Variants in CLMN observed in about 807,000 individuals in gnomAD.
CLMN encodes the protein calmin (calponin-like, transmembrane).
A neutral mutation model predicts 92.7 loss-of-function variants in CLMN; 57 were observed. The ratio of observed to expected loss-of-function variants is 0.61; its 90% CI spans 0.50 to 0.77. The LOEUF (loss-of-function observed/expected upper bound fraction) is 0.77. Ranked by LOEUF, CLMN falls within the 30% of genes least tolerant of loss-of-function variation. CLMN has a pLI of 0.00. For missense variants in CLMN, 1,158 were observed against 1,237.5 expected, an observed-to-expected ratio of 0.94 and a Z score of 0.96; for synonymous variants, 466 against 470.6, an observed-to-expected ratio of 0.99 and a Z score of 0.13.
intron 1 of CLMN, among the ~76,000 whole-genome samples, chr14:95,295,341 C>T (rs1184716878): frequency 6.6e-6 from 1 of 152,232 alleles, no homozygotes; most frequent in Non-Finnish European, 1.5e-5. Context: ...CTTCACTCAA[C>T]AAGCACTGTG....
chr14:95,212,942 C>T (rs187048786), intron 6 of CLMN, among the ~76,000 whole-genome samples: 1 of 151,980 alleles, frequency 6.6e-6, no homozygotes, highest in Non-Finnish European at 1.5e-5. Context: ...CCCGCCACCA[C>T]GCCCGGCTAA....
At chr14:95,242,572 TTC>T (rs1418287946) in intron 1 of CLMN, among the ~76,000 whole-genome samples, 2 of 145,222 alleles carry the variant, frequency 1.4e-5, no homozygotes, top group East Asian at 2.0e-4. Context: ...GCATCTCTTT[TTC>T]TTTTTTTTTG....
intron 1 of CLMN, among the ~76,000 whole-genome samples, chr14:95,313,190 G>C (rs1475509841): frequency 1.3e-5 from 2 of 152,164 alleles, no homozygotes; most frequent in African/African-American, 4.8e-5. Flanking sequence ...TTGGTGACAA[G>C]AATGAAACTC....
chr14:95,258,801 G>T (rs1414107904), intron 1 of CLMN, among the ~76,000 whole-genome samples: 1 of 149,376 alleles, frequency 6.7e-6, no homozygotes, highest in East Asian at 2.0e-4. Flanking sequence ...TATGTGTGGT[G>T]TGGTTGTATG....
chr14:95,243,227 AT>A (rs1446410028), intron 1 of CLMN, among the ~76,000 whole-genome samples: 2 of 152,158 alleles, frequency 1.3e-5, no homozygotes, highest in Admixed American at 6.5e-5. Flanking sequence ...AACTTTTAAG[AT>A]TTTAAGATCC....
At chr14:95,284,639 C>T (rs1216355069) in intron 1 of CLMN, among the ~76,000 whole-genome samples, 1 of 152,152 alleles carries the variant, frequency 6.6e-6, no homozygotes, top group African/African-American at 2.4e-5. Context: ...TGGTGCCCCC[C>T]ACCCCCAAAT....
At chr14:95,310,585 C>T (rs191324203) in intron 1 of CLMN, among the ~76,000 whole-genome samples, 90 of 152,330 alleles carry the variant, frequency 5.9e-4, no homozygotes, top group African/African-American at 1.8e-3. Flanking sequence ...TACAACGCTT[C>T]TAAAGACCTG....
At chr14:95,316,941 A>ACT (rs1013438240) in intron 1 of CLMN, among the ~76,000 whole-genome samples, 16 of 152,160 alleles carry the variant, frequency 1.1e-4, no homozygotes, top group Non-Finnish European at 2.4e-4. Flanking sequence ...GTAAGATCCC[A>ACT]CTGTAGCCCT....
At position 95,289,506 on chromosome 14, in the gene CLMN, T is replaced by TAAATAAATAAAC. The variant is rs1555394622; in HGVS notation, c.82+30204_82+30205insGTTTATTTATTT. Among the ~76,000 whole-genome samples the TAAATAAATAAAC allele has an allele frequency of 5.0e-4, 33 of 65,904 alleles. No homozygotes were observed. In the South Asian group the frequency reaches 7.1e-3, roughly 14 times the overall value. The allele number at this position is 65,904 out of a possible 152,430, so 43.2% of individuals were successfully genotyped here. ...ATAAATAAATAAATAAATAAATAAA[T>TAAATAAATAAAC]AAACAAACAAACAAACAAAAAAACC... On this transcript the variant is annotated intron_variant, in intron 1 of 12. Transcript: ENST00000298912.
chr14:95,239,817 T>C (rs1057053509), intron 1 of CLMN, among the ~76,000 whole-genome samples: 5 of 152,338 alleles, frequency 3.3e-5, no homozygotes, highest in Middle Eastern at 3.4e-3. Flanking sequence ...TCTTACAGAA[T>C]CCTGCTTTGG....
chr14:95,250,858 C>T (rs1391080270), intron 1 of CLMN, among the ~76,000 whole-genome samples: 4 of 152,182 alleles, frequency 2.6e-5, no homozygotes, highest in Non-Finnish European at 4.4e-5. Context: ...CATAGGGGGA[C>T]TGGCCCAAAG....
chr14:95,231,154 C>T (rs1324401849), intron 1 of CLMN, among the ~76,000 whole-genome samples: 7 of 151,904 alleles, frequency 4.6e-5, no homozygotes, highest in South Asian at 2.1e-4. Flanking sequence ...GCCTGAGCTC[C>T]GCCTCCTGTC....
chr14:95,229,943 A>T, intron 2 of CLMN, 129 bp downstream of exon 2: 1 of 844,236 alleles, frequency 1.2e-6, no homozygotes, highest in Non-Finnish European at 1.9e-6. Context: ...AGGGGGAGGC[A>T]CTTATAAATG....
At chr14:95,264,929 C>A (rs1382327158) in intron 1 of CLMN, among the ~76,000 whole-genome samples, 1 of 138,436 alleles carries the variant, frequency 7.2e-6, no homozygotes, top group African/African-American at 2.8e-5. Flanking sequence ...TGATAACTCT[C>A]CATCTCTACC....
intron 12 of CLMN, among the ~76,000 whole-genome samples, chr14:95,193,630 G>A (rs1186301604): frequency 1.3e-5 from 2 of 152,072 alleles, no homozygotes; most frequent in African/African-American, 2.4e-5. Context: ...TTTCGGAACC[G>A]GGCCCTAACC....
chr14:95,257,100 G>A (rs1309669266), intron 1 of CLMN, among the ~76,000 whole-genome samples: 4 of 152,256 alleles, frequency 2.6e-5, no homozygotes, highest in East Asian at 1.9e-4. Context: ...TATTTAATAC[G>A]ACGAGGCCCA....
intron 4 of CLMN, 56 bp downstream of exon 4, chr14:95,221,635 C>T (rs769898203): frequency 1.3e-5 from 19 of 1,483,240 alleles, no homozygotes; most frequent in Non-Finnish European, 1.6e-5. Context: ...CTTCAAATGA[C>T]GTCCTTTTCC....
intron 4 of CLMN, 71 bp downstream of exon 4, chr14:95,221,620 C>A: frequency 7.2e-7 from 1 of 1,383,330 alleles, no homozygotes; most frequent in Non-Finnish European, 1.0e-6. Flanking sequence ...GCGACCAGCA[C>A]TGAACTTCAA....
chr14:95,195,021 G>T (rs1447832817), intron 10 of CLMN, among the ~76,000 whole-genome samples: 1 of 152,170 alleles, frequency 6.6e-6, no homozygotes, highest in African/African-American at 2.4e-5. Context: ...TGTACAAGTG[G>T]GAATGCTTGC....
Sources: gnomAD v4.1 joint callset for allele counts (sites outside exome capture counted in the v4.1 genomes callset) on GRCh38, gnomAD v4.1.1 for gene constraint, MANE v1.5 for transcripts, NCBI Gene and HGNC (gene_info 2026-07-23, HGNC 2026-07-21) for gene names.